SLC13A3: variants seen among roughly 807,000 people sequenced by gnomAD.
SLC13A3 encodes the protein solute carrier family 13 member 3.
In SLC13A3, 40 loss-of-function variants were observed where a neutral mutation model predicts 59.0. The observed-to-expected ratio is 0.68, with a 90% CI of 0.53 to 0.88. The LOEUF (loss-of-function observed/expected upper bound fraction) is 0.88. Ranked by LOEUF, SLC13A3 falls within the 40% of genes least tolerant of loss-of-function variation. The pLI is 0.00. For missense variants in SLC13A3, 699 were observed against 783.2 expected, an observed-to-expected ratio of 0.89 and a Z score of 1.28; for synonymous variants, 317 against 330.3, an observed-to-expected ratio of 0.96 and a Z score of 0.44.
chr20:46,683,745 C>T (rs920893632), intron 1 of SLC13A3, among the ~76,000 whole-genome samples: 1 of 152,186 alleles, frequency 6.6e-6, no homozygotes, highest in East Asian at 1.9e-4. Context: ...AGACAACGAG[C>T]CTCGGGTGTT....
chr20:46,587,785 C>T (rs1353987871), intron 8 of SLC13A3, among the ~76,000 whole-genome samples: 1 of 152,190 alleles, frequency 6.6e-6, no homozygotes, highest in Non-Finnish European at 1.5e-5. Context: ...ACGATTTGCT[C>T]AGTCACACAG....
intron 1 of SLC13A3, among the ~76,000 whole-genome samples, chr20:46,659,751 A>C (rs1001896783): frequency 6.8e-6 from 1 of 146,440 alleles, no homozygotes; most frequent in Non-Finnish European, 1.5e-5. Context: ...ACAAAGAAAG[A>C]AAGCCTTACA....
intron 1 of SLC13A3, among the ~76,000 whole-genome samples, chr20:46,664,593 G>A (rs1412294963): frequency 1.3e-5 from 2 of 152,044 alleles, no homozygotes; most frequent in Non-Finnish European, 2.9e-5. Context: ...CTTAAATGAT[G>A]GCAGGTGCAA....
intron 1 of SLC13A3, among the ~76,000 whole-genome samples, chr20:46,666,565 G>A (rs1478613676): frequency 6.6e-6 from 1 of 151,978 alleles, no homozygotes; most frequent in East Asian, 1.9e-4. Flanking sequence ...GTGCAGTCGT[G>A]TGATCACGGC....
At chr20:46,684,131 T>G (rs1044313349) in intron 1 of SLC13A3, among the ~76,000 whole-genome samples, 9 of 152,172 alleles carry the variant, frequency 5.9e-5, no homozygotes, top group Non-Finnish European at 1.0e-4. Context: ...GTCGGGGATG[T>G]TTCTTCTTCG....
At position 46,582,819 on chromosome 20, in the gene SLC13A3, G is replaced by C. The variant is rs116194968; in HGVS notation, c.1219+753C>G. ...AGGAGCTCATCCAACTGACCCAGGT[G>C]GCAGCCTCAGGTGTTGGCGTCACCT... On this transcript the variant is annotated intron_variant, in intron 9 of 12. Coordinates refer to ENST00000279027, the MANE Select transcript of SLC13A3 (RefSeq NM_022829.6). 991 of 985,396 alleles carry C rather than the reference G, an allele frequency of 1.0e-3. 8 individuals carry two copies. The African/African-American group carries it at 0.016, about 16-fold the overall frequency. The allele number at this position is 985,396 out of a possible 1,614,324, so 61.0% of individuals were successfully genotyped here. A position where few individuals can be genotyped will look rare whatever the true frequency, so the allele number is the denominator to read the frequency against.
chr20:46,684,247 TC>T, intron 1 of SLC13A3: 1 of 152,258 alleles, frequency 6.6e-6, no homozygotes, highest in South Asian at 2.1e-4. Context: ...TGTCTTATGT[TC>T]CCCAGGAAAG....
At chr20:46,674,608 T>C (rs866011472), upstream of SLC13A3, among the ~76,000 whole-genome samples, 3,096 of 132,412 alleles carry the variant, frequency 0.023, 85 homozygotes, top group Admixed American at 0.061. Flanking sequence ...CGCGCGCGTG[T>C]GTGTGTGTGT....
intron 1 of SLC13A3, among the ~76,000 whole-genome samples, chr20:46,664,218 G>A (rs2063049530): frequency 6.6e-6 from 1 of 152,136 alleles, no homozygotes; most frequent in African/African-American, 2.4e-5. Context: ...GAGAACCACT[G>A]TCCCTAAAAA....
chr20:46,665,070 T>C (rs2063054433), intron 1 of SLC13A3, among the ~76,000 whole-genome samples: 1 of 152,032 alleles, frequency 6.6e-6, no homozygotes, highest in Non-Finnish European at 1.5e-5. Context: ...TACTGAGATA[T>C]AGTTCATATA....
intron 1 of SLC13A3, among the ~76,000 whole-genome samples, chr20:46,623,453 A>G (rs971917048): frequency 2.6e-5 from 4 of 152,072 alleles, no homozygotes; most frequent in Admixed American, 6.5e-5. Flanking sequence ...CTGGTCTTGA[A>G]TTCCTGGGCT....
chr20:46,592,366 C>T, intron 6 of SLC13A3, 38 bp downstream of exon 6: 1 of 1,611,306 alleles, frequency 6.2e-7, no homozygotes, highest in South Asian at 1.1e-5. Context: ...CCATTCCCTG[C>T]TTCCCCACTC....
At chr20:46,597,049 T>C (rs2062319482) in intron 4 of SLC13A3, among the ~76,000 whole-genome samples, 2 of 152,106 alleles carry the variant, frequency 1.3e-5, no homozygotes, top group Admixed American at 6.6e-5. Flanking sequence ...TGAGACCCTG[T>C]CTCTAAAAAA....
intron 1 of SLC13A3, among the ~76,000 whole-genome samples, chr20:46,665,202 G>C (rs974942511): frequency 1.3e-5 from 2 of 151,834 alleles, no homozygotes; most frequent in African/African-American, 4.8e-5. Context: ...GGATGTCAAG[G>C]CTTCAGAGAG....
At chr20:46,631,556 C>T (rs1000262356) in intron 1 of SLC13A3, among the ~76,000 whole-genome samples, 4 of 152,144 alleles carry the variant, frequency 2.6e-5, no homozygotes, top group Non-Finnish European at 5.9e-5. Flanking sequence ...GTGAGCTCCT[C>T]CTTCAATCTT....
At chr20:46,669,382 A>G (rs1214349997) in intron 1 of SLC13A3, among the ~76,000 whole-genome samples, 1 of 151,916 alleles carries the variant, frequency 6.6e-6, no homozygotes, top group East Asian at 1.9e-4. Flanking sequence ...TATGCCCCAC[A>G]CACTATGCTA....
At chr20:46,632,902 T>C (rs375178605) in intron 1 of SLC13A3, among the ~76,000 whole-genome samples, 8,619 of 50,640 alleles carry the variant, frequency 0.17, 448 homozygotes, top group South Asian at 0.27. Flanking sequence ...GATAGATAGA[T>C]AGATAGATAT....
chr20:46,674,598 CGCGCGCGT>C (rs944317937), upstream of SLC13A3, among the ~76,000 whole-genome samples: 6 of 55,970 alleles, frequency 1.1e-4, no homozygotes, highest in African/African-American at 3.4e-4. Flanking sequence ...TGCGCGCGCG[CGCGCGCGT>C]GTGTGTGTGT....
At chr20:46,664,183 C>A (rs1403450771) in intron 1 of SLC13A3, among the ~76,000 whole-genome samples, 1 of 152,150 alleles carries the variant, frequency 6.6e-6, no homozygotes, top group Non-Finnish European at 1.5e-5. Flanking sequence ...AAGCTCCAAG[C>A]AGATTCTAAA....
Sources: allele counts gnomAD v4.1 joint callset (sites outside exome capture counted in the v4.1 genomes callset), GRCh38; gene constraint gnomAD v4.1.1; transcripts MANE v1.5; gene names NCBI Gene and HGNC (gene_info 2026-07-23, HGNC 2026-07-21).